The following NRG3 variants were observed in gnomAD, a reference collection of about 807,000 sequenced individuals.
NRG3 encodes the protein pro-neuregulin-3, membrane-bound isoform.
In NRG3, 31 loss-of-function variants were observed where a neutral mutation model predicts 66.9. The ratio of observed to expected loss-of-function variants is 0.46; its 90% CI spans 0.35 to 0.63. The LOEUF is 0.63. Ranked by LOEUF, NRG3 falls within the 20% of genes least tolerant of loss-of-function variation. The probability of loss-of-function intolerance (pLI) is 0.00; values close to 1 mark genes in which losing one functional copy is unlikely to be tolerated. For missense variants in NRG3, 910 were observed against 878.9 expected (o/e 1.04, Z -0.45); for synonymous variants, 393 against 359.4 (o/e 1.09, Z -1.06).
chr10:81,974,836 G>A (rs565614259), intron 1 of NRG3, among the ~76,000 whole-genome samples: 1 of 152,146 alleles, frequency 6.6e-6, no homozygotes, highest in East Asian at 1.9e-4. Flanking sequence ...TTGTTACCAT[G>A]GTGACATATA....
At chr10:82,676,168 G>A (rs982563205) in intron 2 of NRG3, among the ~76,000 whole-genome samples, 1 of 152,030 alleles carries the variant, frequency 6.6e-6, no homozygotes, top group Non-Finnish European at 1.5e-5. Flanking sequence ...AGTTATTATA[G>A]GAATCAACAG....
At chr10:82,773,675 T>C (rs1405661288) in intron 3 of NRG3, among the ~76,000 whole-genome samples, 2 of 152,132 alleles carry the variant, frequency 1.3e-5, no homozygotes, top group South Asian at 2.1e-4. Flanking sequence ...TATTATTTTA[T>C]CATCATTATT....
intron 2 of NRG3, among the ~76,000 whole-genome samples, chr10:82,550,092 G>C (rs1342724735): frequency 1.3e-5 from 2 of 152,138 alleles, no homozygotes; most frequent in Admixed American, 1.3e-4. Context: ...TCCTCGAGTA[G>C]ACTGTGAGTT....
intron 1 of NRG3, among the ~76,000 whole-genome samples, chr10:82,133,154 GT>G (rs1413582797): frequency 6.6e-6 from 1 of 151,612 alleles, no homozygotes; most frequent in African/African-American, 2.4e-5. Flanking sequence ...TCATTAAGTT[GT>G]TTATTTGAAA....
At chr10:82,448,516 C>G (rs1323032745) in intron 2 of NRG3, among the ~76,000 whole-genome samples, 1 of 152,130 alleles carries the variant, frequency 6.6e-6, no homozygotes, top group Non-Finnish European at 1.5e-5. Flanking sequence ...TATTAATATA[C>G]TTTTGTGGAT....
rs35369733 is a variant in NRG3 at position 82,637,212 on chromosome 10, A to G, written c.954-101365A>G. Among the ~76,000 whole-genome samples the G allele has an allele frequency of 6.0e-3, 921 of 152,310 alleles. 28 individuals are homozygous for G. The highest frequency in any genetic ancestry group is 0.043 in the Admixed American group (651 of 15,288). On this transcript the variant is annotated intron_variant, in intron 2 of 8. Transcript: ENST00000372141. Reference sequence around the variant, plus strand: ...TTATTTTTTTAAATGATGAGAATATATTAAAAGGACACATAAGCCTTTTTA... The same window carrying G: ...TTATTTTTTTAAATGATGAGAATATGTTAAAAGGACACATAAGCCTTTTTA...
At chr10:82,669,899 G>A (rs2053123813) in intron 2 of NRG3, among the ~76,000 whole-genome samples, 1 of 151,374 alleles carries the variant, frequency 6.6e-6, no homozygotes, top group African/African-American at 2.4e-5. Flanking sequence ...CTGCACTCCA[G>A]CCTGGGCGAC....
chr10:82,274,983 G>T (rs1390416726), intron 1 of NRG3, among the ~76,000 whole-genome samples: 1 of 151,900 alleles, frequency 6.6e-6, no homozygotes, highest in Non-Finnish European at 1.5e-5. Context: ...CAGTTTTCTT[G>T]GACTGCTAGC....
At chr10:82,782,923 C>T (rs936905726) in intron 3 of NRG3, among the ~76,000 whole-genome samples, 4 of 152,124 alleles carry the variant, frequency 2.6e-5, no homozygotes, top group African/African-American at 4.8e-5. Flanking sequence ...AATTTTAGAC[C>T]AATATCCTTG....
At chr10:82,732,354 G>A (rs911719197) in intron 2 of NRG3, among the ~76,000 whole-genome samples, 4 of 152,088 alleles carry the variant, frequency 2.6e-5, no homozygotes, top group Admixed American at 2.0e-4. Context: ...ATAAATCATG[G>A]TGTTAGTTCA....
chr10:82,372,523 CT>C (rs2084953078), intron 2 of NRG3, among the ~76,000 whole-genome samples: 1 of 152,108 alleles, frequency 6.6e-6, no homozygotes. Flanking sequence ...TAACTTTTAT[CT>C]ACATATTTGA....
At chr10:82,185,130 G>T (rs2073717010) in intron 1 of NRG3, among the ~76,000 whole-genome samples, 1 of 152,072 alleles carries the variant, frequency 6.6e-6, no homozygotes, top group African/African-American at 2.4e-5. Flanking sequence ...GGGAGATCCA[G>T]ACTCAGGACC....
chr10:82,058,311 A>G (rs1320233016), intron 1 of NRG3, among the ~76,000 whole-genome samples: 1 of 151,858 alleles, frequency 6.6e-6, no homozygotes, highest in Admixed American at 6.6e-5. Context: ...AGACCTTTTA[A>G]GTTTTTATAT....
chr10:81,892,901 C>T (rs1446662604), intron 1 of NRG3, among the ~76,000 whole-genome samples: 1 of 152,120 alleles, frequency 6.6e-6, no homozygotes, highest in Non-Finnish European at 1.5e-5. Flanking sequence ...TGACTCATTC[C>T]ATGACTGTAT....
At chr10:82,846,197 A>G (rs1019746394) in intron 3 of NRG3, among the ~76,000 whole-genome samples, 2 of 152,114 alleles carry the variant, frequency 1.3e-5, no homozygotes, top group African/African-American at 4.8e-5. Context: ...AATACTCTGT[A>G]TCAAGCAGAA....
At chr10:82,036,588 T>A (rs1304958182) in intron 1 of NRG3, among the ~76,000 whole-genome samples, 4 of 150,580 alleles carry the variant, frequency 2.7e-5, no homozygotes, top group African/African-American at 1.0e-4. Flanking sequence ...ATATCCTTCA[T>A]ATTTTTTAAA....
intron 2 of NRG3, among the ~76,000 whole-genome samples, chr10:82,737,915 G>A (rs931742717): frequency 6.6e-6 from 1 of 152,080 alleles, no homozygotes; most frequent in Non-Finnish European, 1.5e-5. Context: ...ACAATGCCTG[G>A]CAGAAAGTAG....
intron 1 of NRG3, among the ~76,000 whole-genome samples, chr10:81,978,214 A>G (rs1270531407): frequency 6.6e-6 from 1 of 152,158 alleles, no homozygotes; most frequent in Non-Finnish European, 1.5e-5. Context: ...TATCATCTGT[A>G]TTAAGAAAAT....
chr10:81,883,915 A>G (rs958879122), intron 1 of NRG3, among the ~76,000 whole-genome samples: 1 of 152,198 alleles, frequency 6.6e-6, no homozygotes, highest in African/African-American at 2.4e-5. Flanking sequence ...AAGTAATAAT[A>G]AAAACGACAG....
Sources: gnomAD v4.1 joint callset for allele counts (sites outside exome capture counted in the v4.1 genomes callset) on GRCh38, gnomAD v4.1.1 for gene constraint, MANE v1.5 for transcripts, NCBI Gene and HGNC (gene_info 2026-07-23, HGNC 2026-07-21) for gene names.